DPY19L3: variants seen among roughly 807,000 people sequenced by gnomAD.
DPY19L3 encodes the protein dpy-19 like C-mannosyltransferase 3, also known as protein C-mannosyl-transferase DPY19L3.
In DPY19L3, 51 loss-of-function variants were observed where a neutral mutation model predicts 92.3. That is an observed-to-expected ratio of 0.55 (90% CI 0.44 to 0.70). The LOEUF (loss-of-function observed/expected upper bound fraction) is 0.70. DPY19L3 is among the 30% of genes least tolerant of loss of function. The pLI, the probability that DPY19L3 is intolerant of heterozygous loss-of-function variation, is 0.00. For missense variants in DPY19L3, 706 were observed against 855.9 expected (o/e 0.82, Z 2.18); for synonymous variants, 309 against 315.2 (o/e 0.98, Z 0.21).
rs955711600 is a variant in DPY19L3, at chr19:32,485,788, C to T, written c.*3548C>T. On this transcript the variant is annotated 3_prime_UTR_variant, in exon 19 of 19. Coordinates refer to ENST00000392250, the MANE Select transcript of DPY19L3 (RefSeq NM_001172774.2). Reference sequence around the variant, plus strand: ...TTACTTTCTTGTGGCAATTGATTTTCTGTTTTAACACCCTTTGGGTAAAAT... The same window carrying T: ...TTACTTTCTTGTGGCAATTGATTTTTTGTTTTAACACCCTTTGGGTAAAAT... 6.6e-6 allele frequency: 1 copy of T among 152,276 alleles called. No homozygotes were observed. Among genetic ancestry groups the T allele is most frequent in the East Asian group, 1.9e-4 (1 of 5,186 alleles). The allele number at this position is 152,276 out of a possible 1,614,324, so 9.4% of individuals were successfully genotyped here.
chr19:32,479,635 AAGG>A (rs776442937), intron 17 of DPY19L3: 2 of 432,328 alleles, frequency 4.6e-6, no homozygotes, highest in Non-Finnish European at 9.3e-6. Context: ...GGGTGCAACA[AAGG>A]AGGCAGTGCC....
At chr19:32,437,792 GT>G (rs1283427950) in intron 6 of DPY19L3, among the ~76,000 whole-genome samples, 49 of 151,044 alleles carry the variant, frequency 3.2e-4, no homozygotes, top group Non-Finnish European at 1.0e-4. Flanking sequence ...TTTTCTTGCT[GT>G]TTTTTAAAGC....
chr19:32,426,991 GTTGT>G (rs1195302737), intron 3 of DPY19L3, among the ~76,000 whole-genome samples: 7 of 152,124 alleles, frequency 4.6e-5, no homozygotes, highest in Admixed American at 2.0e-4. Flanking sequence ...TTGGTGTTTC[GTTGT>G]TTGTTTGTTT....
At chr19:32,468,202 C>A (rs1970253032) in intron 15 of DPY19L3, 1 of 913,660 alleles carries the variant, frequency 1.1e-6, no homozygotes, top group Non-Finnish European at 1.3e-6. Flanking sequence ...AAAATAAATC[C>A]CAGTGGGTGA....
intron 8 of DPY19L3, among the ~76,000 whole-genome samples, chr19:32,446,237 G>A (rs993532638): frequency 1.3e-5 from 2 of 151,874 alleles, no homozygotes; most frequent in Non-Finnish European, 2.9e-5. Context: ...ACTATACGAA[G>A]CAGTACATGA....
chr19:32,447,491 T>C (rs914078029), intron 8 of DPY19L3, among the ~76,000 whole-genome samples: 1 of 151,948 alleles, frequency 6.6e-6, no homozygotes, highest in African/African-American at 2.4e-5. Flanking sequence ...CTGAGGCAGG[T>C]GGATCACCTG....
rs1198929758 is a variant in DPY19L3 at position 32,463,909 on chromosome 19, T to G, written c.1486T>G (p.Ser496Ala). The change falls in exon 14 of 19, where the codon TCA (serine) becomes GCA (alanine). Residue 496 changes from serine (S) to alanine (A), a missense_variant. By Grantham distance (99) the Ser-to-Ala change is moderately conservative. Coordinates refer to ENST00000392250, the MANE Select transcript of DPY19L3 (RefSeq NM_001172774.2). ...GACGTCACACATGTGTGTGTTCGCATCATTCGGCCTATGTAGCCCTGAAAT... is the reference window on the plus strand; with the variant it reads ...GACGTCACACATGTGTGTGTTCGCAGCATTCGGCCTATGTAGCCCTGAAAT... ...LWTSHMCVFASFGLCSPEIWE... is the reference protein window; with the variant it reads ...LWTSHMCVFAAFGLCSPEIWE... 6.2e-7 allele frequency: 1 copy of G among 1,613,816 alleles called. No homozygotes were observed. The highest frequency in any genetic ancestry group is 8.5e-7 in the Non-Finnish European group (1 of 1,179,754).
At chr19:32,443,009 CCTCT>C (rs1420358182) in intron 8 of DPY19L3, among the ~76,000 whole-genome samples, 1 of 152,240 alleles carries the variant, frequency 6.6e-6, no homozygotes, top group East Asian at 1.9e-4. Context: ...CATCCTGTCC[CCTCT>C]CTATCAGGAT....
intron 2 of DPY19L3, 25 bp from the exon 3 acceptor site, chr19:32,411,210 GTTAT>G: frequency 1.3e-6 from 2 of 1,594,864 alleles, no homozygotes; most frequent in Non-Finnish European, 1.7e-6. Flanking sequence ...TACTGACTTA[GTTAT>G]TTATCTGTTC....
chr19:32,436,683 C>A, intron 5 of DPY19L3, 116 bp downstream of exon 5: 1 of 938,240 alleles, frequency 1.1e-6, no homozygotes, highest in Non-Finnish European at 1.5e-6. Context: ...AGAAAATCAG[C>A]AATACTATAT....
intron 3 of DPY19L3, 176 bp downstream of exon 3, chr19:32,411,548 T>C (rs1968183280): frequency 8.2e-6 from 4 of 487,270 alleles, no homozygotes; most frequent in Non-Finnish European, 1.4e-5. Flanking sequence ...CATATTAGAA[T>C]CTTTTTTTAA....
At chr19:32,421,967 A>C (rs2145433322) in intron 3 of DPY19L3, among the ~76,000 whole-genome samples, 1 of 152,316 alleles carries the variant, frequency 6.6e-6, no homozygotes, top group East Asian at 1.9e-4. Context: ...AATGAGGAAA[A>C]GACTGAAGAA....
intron 16 of DPY19L3, among the ~76,000 whole-genome samples, chr19:32,476,879 T>TTTGTTGTTG (rs142648662): frequency 6.6e-6 from 1 of 152,074 alleles, no homozygotes; most frequent in Non-Finnish European, 1.5e-5. Context: ...GTTTCCATGT[T>TTTGTTGTTG]TTGTTGTTGT....
chr19:32,439,185 A>T lies in DPY19L3; in HGVS notation c.670A>T (p.Ile224Leu). Residue 224 changes from isoleucine to leucine, a missense_variant, in exon 7 of 19, where the codon ATA becomes TTA. Transcript: ENST00000392250. ...GGCGCTGCCATTCTTTGCAATTCAG[A>T]TAGCAGCAATTACATATTTCCTGAG... is the stretch of plus-strand genomic sequence containing the variant. ...NWALPFFAIQ[I>L]AAITYFLRPN... 1 of 1,613,770 alleles carries T rather than the reference A, an allele frequency of 6.2e-7. No individual in the cohort carries two copies.
chr19:32,412,165 C>T (rs1968207108), intron 3 of DPY19L3: 1 of 152,108 alleles, frequency 6.6e-6, no homozygotes. Context: ...TAGCACCCAG[C>T]CCAGAATTTT....
intron 1 of DPY19L3, among the ~76,000 whole-genome samples, chr19:32,406,604 A>T (rs1967960737): frequency 6.6e-6 from 1 of 152,012 alleles, no homozygotes; most frequent in Admixed American, 6.5e-5. Context: ...CTCCTGCCTC[A>T]ACCTCCCAAA....
chr19:32,416,841 C>G (rs1264335839), intron 3 of DPY19L3, among the ~76,000 whole-genome samples: 2 of 152,212 alleles, frequency 1.3e-5, no homozygotes, highest in Non-Finnish European at 2.9e-5. Context: ...TTATTGCCCA[C>G]AAGGCTGGAC....
At chr19:32,459,495 A>G (rs1321286857) in intron 12 of DPY19L3, among the ~76,000 whole-genome samples, 1 of 152,248 alleles carries the variant, frequency 6.6e-6, no homozygotes, top group Non-Finnish European at 1.5e-5. Flanking sequence ...AAAATATTTC[A>G]TTGAACATAA....
At chr19:32,413,024 ACTCCTC>A (rs1968246242) in intron 3 of DPY19L3, 1 of 151,590 alleles carries the variant, frequency 6.6e-6, no homozygotes, top group African/African-American at 2.4e-5. Flanking sequence ...CATTTCTAGA[ACTCCTC>A]TTGGCATTGT....
Sources: gnomAD v4.1 joint callset for allele counts (sites outside exome capture counted in the v4.1 genomes callset) on GRCh38, gnomAD v4.1.1 for gene constraint, MANE v1.5 for transcripts, NCBI Gene and HGNC (gene_info 2026-07-23, HGNC 2026-07-21) for gene names.